Variants in CCDC91 observed in about 807,000 individuals in gnomAD.
CCDC91 encodes coiled-coil domain containing 91, also known as coiled-coil domain-containing protein 91.
In CCDC91, 48 loss-of-function variants were observed where a neutral mutation model predicts 63.2. The ratio of observed to expected loss-of-function variants is 0.76; its 90% CI spans 0.60 to 0.97. The LOEUF (loss-of-function observed/expected upper bound fraction) is 0.97. Among genes scored for constraint, CCDC91 ranks in the 50% least tolerant of loss-of-function variants. The pLI is 0.00. For missense variants in CCDC91, 500 were observed against 494.6 expected (o/e 1.01, Z -0.10); for synonymous variants, 167 against 165.8 (o/e 1.01, Z -0.06).
At chr12:28,429,772 G>A (rs180826758) in intron 8 of CCDC91, among the ~76,000 whole-genome samples, 2 of 152,106 alleles carry the variant, frequency 1.3e-5, no homozygotes, top group Admixed American at 1.3e-4. Context: ...TGCACACATT[G>A]TAGATGTGCC....
At chr12:28,415,210 A>G (rs758530020) in intron 8 of CCDC91, among the ~76,000 whole-genome samples, 5 of 145,994 alleles carry the variant, frequency 3.4e-5, no homozygotes, top group Non-Finnish European at 7.5e-5. Context: ...GTGAAATGTT[A>G]TTTGTTTGTA....
chr12:28,298,584 A>G (rs1001030552), intron 3 of CCDC91, among the ~76,000 whole-genome samples: 24 of 150,902 alleles, frequency 1.6e-4, no homozygotes, highest in Non-Finnish European at 3.6e-4. Flanking sequence ...TCTTTGTTGT[A>G]TTTAAAAATA....
chr12:28,312,899 C>T (rs1406502574), intron 6 of CCDC91, among the ~76,000 whole-genome samples: 1 of 152,052 alleles, frequency 6.6e-6, no homozygotes, highest in Non-Finnish European at 1.5e-5. Flanking sequence ...CAGGCCTCCT[C>T]AGCCAAGTGG....
In CCDC91 at chr12:28,362,426, T is replaced by G; in HGVS notation, c.577-12T>G. The G allele has an allele frequency of 2.6e-6, 4 of 1,552,616 alleles. No individual in the cohort carries two copies. The highest frequency in any genetic ancestry group is 3.5e-6 in the Non-Finnish European group (4 of 1,146,990). On this transcript the variant is annotated splice_polypyrimidine_tract_variant and intron_variant, in intron 6 of 12. Coordinates refer to ENST00000536442, the MANE Select transcript of CCDC91 (RefSeq NM_018318.5). ...AGAAAAACTCATGGTTTTAGTTTCT[T>G]TTTTCTTTCAGGAAAAACATAAACA...
At chr12:28,335,710 G>A (rs1302740290) in intron 6 of CCDC91, among the ~76,000 whole-genome samples, 1 of 151,820 alleles carries the variant, frequency 6.6e-6, no homozygotes, top group East Asian at 1.9e-4. Flanking sequence ...CTGTCCTCAG[G>A]ATTTTAATTT....
intron 6 of CCDC91, among the ~76,000 whole-genome samples, chr12:28,345,624 A>T (rs1211882727): frequency 2.0e-5 from 3 of 152,050 alleles, no homozygotes; most frequent in Non-Finnish European, 4.4e-5. Context: ...GCCATTTCTA[A>T]AGCTTTTTTT....
chr12:28,335,594 G>A (rs1304917305), intron 6 of CCDC91, among the ~76,000 whole-genome samples: 2 of 151,188 alleles, frequency 1.3e-5, no homozygotes, highest in African/African-American at 4.9e-5. Flanking sequence ...TTTTTGTAGA[G>A]ACTGAGCTTC....
chr12:28,261,025 T>C (rs950487942), intron 3 of CCDC91, among the ~76,000 whole-genome samples: 2 of 152,040 alleles, frequency 1.3e-5, no homozygotes, highest in African/African-American at 2.4e-5. Context: ...TCAGATTCTA[T>C]TTCAGTTCTT....
intron 12 of CCDC91, among the ~76,000 whole-genome samples, chr12:28,524,278 T>C (rs895312782): frequency 6.6e-6 from 1 of 152,146 alleles, no homozygotes; most frequent in Admixed American, 6.6e-5. Context: ...ATGGTTTTTA[T>C]TACCTTGAGG....
intron 7 of CCDC91, among the ~76,000 whole-genome samples, chr12:28,380,181 G>A (rs1185404457): frequency 6.6e-6 from 1 of 152,048 alleles, no homozygotes; most frequent in Non-Finnish European, 1.5e-5. Context: ...TTGGGGGTTG[G>A]GGGGCTGGGG....
chr12:28,267,779 A>ACTATATAATT (rs1947333638), intron 3 of CCDC91, among the ~76,000 whole-genome samples: 2 of 70,080 alleles, frequency 2.9e-5, no homozygotes, highest in East Asian at 3.7e-4. Context: ...TTATATTATT[A>ACTATATAATT]ATATATAATT....
chr12:28,480,905 T>G (rs1951409581), intron 11 of CCDC91, among the ~76,000 whole-genome samples: 1 of 152,060 alleles, frequency 6.6e-6, no homozygotes, highest in Non-Finnish European at 1.5e-5. Flanking sequence ...ATCCTGTGAT[T>G]ACTGAAATGT....
intron 8 of CCDC91, among the ~76,000 whole-genome samples, chr12:28,432,373 G>T (rs1219461697): frequency 6.6e-6 from 1 of 151,990 alleles, no homozygotes; most frequent in African/African-American, 2.4e-5. Flanking sequence ...GTTTATGAGG[G>T]CAGTTTCCCC....
At chr12:28,372,240 G>A (rs537860312) in intron 7 of CCDC91, among the ~76,000 whole-genome samples, 3 of 152,228 alleles carry the variant, frequency 2.0e-5, no homozygotes, top group Admixed American at 6.5e-5. Context: ...GGTTACTACA[G>A]CTTTGTAGTA....
chr12:28,431,368 G>C (rs1167093697), intron 8 of CCDC91, among the ~76,000 whole-genome samples: 1 of 151,902 alleles, frequency 6.6e-6, no homozygotes, highest in Non-Finnish European at 1.5e-5. Context: ...TTTTCCTTCT[G>C]TTTCTCTTAC....
chr12:28,380,061 A>AACTATCAC (rs1307312991), intron 7 of CCDC91, among the ~76,000 whole-genome samples: 1 of 152,180 alleles, frequency 6.6e-6, no homozygotes, highest in Non-Finnish European at 1.5e-5. Context: ...ATTCTCAGCA[A>AACTATCAC]ACTATCACAA....
At chr12:28,495,535 C>G (rs964956001) in intron 12 of CCDC91, among the ~76,000 whole-genome samples, 10 of 151,602 alleles carry the variant, frequency 6.6e-5, no homozygotes, top group Non-Finnish European at 1.3e-4. Context: ...ACCTCAGCGT[C>G]CCATAACATT....
chr12:28,345,649 T>C (rs188973217), intron 6 of CCDC91, among the ~76,000 whole-genome samples: 3 of 152,254 alleles, frequency 2.0e-5, no homozygotes, highest in African/African-American at 7.2e-5. Context: ...AAAAACACTA[T>C]TCACAGGTCC....
intron 6 of CCDC91, among the ~76,000 whole-genome samples, chr12:28,333,921 T>C (rs747686492): frequency 6.6e-6 from 1 of 152,204 alleles, no homozygotes; most frequent in African/African-American, 2.4e-5. Context: ...TGTTAATCAC[T>C]GAGTTATTAC....
Sources: allele counts gnomAD v4.1 joint callset (sites outside exome capture counted in the v4.1 genomes callset), GRCh38; gene constraint gnomAD v4.1.1; transcripts MANE v1.5; gene names NCBI Gene and HGNC (gene_info 2026-07-23, HGNC 2026-07-21).